Variants in RUVBL1 observed in about 807,000 individuals in gnomAD.
The protein encoded by RUVBL1 is ruvB-like 1.
In RUVBL1, 4 loss-of-function variants were observed where a neutral mutation model predicts 52.4. The observed-to-expected ratio is 0.08, with a 90% CI of 0.04 to 0.17. RUVBL1 has a LOEUF of 0.17. Ranked by LOEUF, RUVBL1 falls within the 10% of genes least tolerant of loss-of-function variation. The probability of loss-of-function intolerance (pLI) is 1.00; values close to 1 mark genes in which losing one functional copy is unlikely to be tolerated. For synonymous variants in RUVBL1, 217 were observed against 214.4 expected (o/e 1.01, Z -0.10); for missense variants, 298 against 572.8 (o/e 0.52, Z 4.90).
chr3:128,081,011 A>AT lies in RUVBL1; in HGVS notation c.*238_*239insA. 1 of 453,454 alleles carries AT rather than the reference A, an allele frequency of 2.2e-6. No individual in the cohort carries two copies. The highest frequency in any genetic ancestry group is 3.9e-6 in the Non-Finnish European group (1 of 256,548). 28.1% of individuals were successfully genotyped at this position (453,454 alleles called of 1,614,324 possible). The stretch of plus-strand genomic sequence containing the variant: ...AAAACTTAGAGAGAGAGAGAGAGAG[A>AT]ATCAAAATAACCTATGAAGATTTAT... On this transcript the variant is annotated 3_prime_UTR_variant, in exon 11 of 11. Transcript: ENST00000322623. The surrounding 1 kb of genome is among the most constrained non-coding windows in gnomAD (Gnocchi z 4.8).
In RUVBL1 at chr3:128,150,807, CTATATA is replaced by C. The variant is rs1559841398; in HGVS notation, c.-40+2390_-40+2395del. Among the ~76,000 whole-genome samples, 66 of 85,054 alleles carry C rather than the reference CTATATA, an allele frequency of 7.8e-4. 2 individuals are homozygous for C. Among genetic ancestry groups the C allele is most frequent in the African/African-American group, 3.2e-3 (65 of 20,630 alleles). The allele number at this position is 85,054 out of a possible 152,430, so 55.8% of individuals were successfully genotyped here. A position where few individuals can be genotyped will look rare whatever the true frequency, so the allele number is the denominator to read the frequency against. On this transcript the variant is annotated intron_variant, in intron 1 of 9. Coordinates refer to the RUVBL1 transcript ENST00000464873. ...ATATATATTCTATATATTATATATTCTATATATTATATATTCTATATATTATATATT... is the reference window on the plus strand; with the variant it reads ...ATATATATTCTATATATTATATATTCTTATATATTCTATATATTATATATT...
chr3:128,071,313 T>G (rs1410503954), intron 9 of RUVBL1: 1 of 152,470 alleles, frequency 6.6e-6, no homozygotes, highest in African/African-American at 2.4e-5. Context: ...GGAGAGGCTC[T>G]TGAGACCTGA....
intron 1 of RUVBL1, among the ~76,000 whole-genome samples, chr3:128,142,579 A>G (rs761754347): frequency 1.3e-5 from 2 of 152,222 alleles, no homozygotes; most frequent in Non-Finnish European, 2.9e-5. Context: ...CCAGAAGTCC[A>G]AAATGGGTCT....
intron 1 of RUVBL1, among the ~76,000 whole-genome samples, chr3:128,133,197 C>A (rs759693295): frequency 1.3e-5 from 2 of 152,122 alleles, no homozygotes; most frequent in South Asian, 2.1e-4. Context: ...CTTTGTATTG[C>A]GGTTTGGGCA....
downstream of RUVBL1, among the ~76,000 whole-genome samples, chr3:128,078,283 A>C (rs1458816622): frequency 6.6e-6 from 1 of 152,264 alleles, no homozygotes; most frequent in Non-Finnish European, 1.5e-5. Flanking sequence ...TGATTCATTT[A>C]GTCCTAAAAA....
At chr3:128,115,608 C>T (rs561078425) in intron 2 of RUVBL1, among the ~76,000 whole-genome samples, 1 of 152,282 alleles carries the variant, frequency 6.6e-6, no homozygotes, top group Non-Finnish European at 1.5e-5. Context: ...GAGCACTTCT[C>T]ATATTTCCTG....
At chr3:128,074,788 G>A (rs1407302354) in intron 9 of RUVBL1, among the ~76,000 whole-genome samples, 1 of 139,690 alleles carries the variant, frequency 7.2e-6, no homozygotes, top group Non-Finnish European at 1.5e-5. Flanking sequence ...GTTGCAGTAA[G>A]CTGAGATGGC....
chr3:128,064,906 C>T, exon 10 of RUVBL1: 6 of 1,612,202 alleles, frequency 3.7e-6, no homozygotes, highest in Non-Finnish European at 5.1e-6. Flanking sequence ...TATCATCGCA[C>T]TTTTCCATCT....
upstream of RUVBL1, among the ~76,000 whole-genome samples, chr3:128,124,263 C>T (rs1337070084): frequency 3.3e-5 from 5 of 152,196 alleles, no homozygotes; most frequent in East Asian, 5.8e-4. Flanking sequence ...AACCCACCAC[C>T]GTTTCCGTGG....
chr3:128,075,626 G>A (rs1942293319), intron 9 of RUVBL1, among the ~76,000 whole-genome samples: 1 of 152,034 alleles, frequency 6.6e-6, no homozygotes, highest in Admixed American at 6.5e-5. Context: ...CCCAAGTCGT[G>A]CTGGGTGTGA....
Position 128,081,519 on chromosome 3 carries a change from G to A in RUVBL1, c.1212-110C>T. ...CACCAGGAGCAGAGCCCAGTGCTGG[G>A]CTTGTGCCAGCTGCTACGAACACAG... On this transcript the variant is annotated intron_variant, in intron 10 of 10. Coordinates refer to ENST00000322623, the MANE Select transcript of RUVBL1 (RefSeq NM_003707.3). This position sits in a 1 kb window ranked among gnomAD's most constrained non-coding sequence, Gnocchi z 4.8. 9.1e-7 allele frequency: 1 copy of A among 1,095,804 alleles called. No homozygotes were observed. The highest frequency in any genetic ancestry group is 1.3e-6 in the Non-Finnish European group (1 of 770,234). The allele number at this position is 1,095,804 out of a possible 1,614,324, so 67.9% of individuals were successfully genotyped here.
intron 8 of RUVBL1, among the ~76,000 whole-genome samples, chr3:128,088,728 G>A (rs943821513): frequency 4.0e-5 from 6 of 151,770 alleles, no homozygotes; most frequent in Non-Finnish European, 5.9e-5. Context: ...TCAGCCTCCC[G>A]AGTAGCTTGG....
chr3:128,094,228 A>G (rs780210973), intron 8 of RUVBL1, among the ~76,000 whole-genome samples: 4 of 152,168 alleles, frequency 2.6e-5, no homozygotes, highest in African/African-American at 4.8e-5. Context: ...TAATTTTTCC[A>G]TGTGGGAACC....
chr3:128,119,635 C>CT (rs1943599315), intron 1 of RUVBL1, among the ~76,000 whole-genome samples: 1 of 152,168 alleles, frequency 6.6e-6, no homozygotes, highest in Non-Finnish European at 1.5e-5. Flanking sequence ...AACATACAAA[C>CT]ATTGCACACA....
chr3:128,138,945 T>C (rs899739629), intron 1 of RUVBL1, among the ~76,000 whole-genome samples: 2 of 152,210 alleles, frequency 1.3e-5, no homozygotes, highest in South Asian at 2.1e-4. Flanking sequence ...GCCAAGAACA[T>C]ACACTGGTGA....
At chr3:128,117,879 AC>A (rs1221466570) in intron 2 of RUVBL1, among the ~76,000 whole-genome samples, 1 of 152,162 alleles carries the variant, frequency 6.6e-6, no homozygotes, top group Non-Finnish European at 1.5e-5. Context: ...CAGAAAGAAG[AC>A]TCAAAACCCT....
At chr3:128,101,770 G>C in intron 4 of RUVBL1, 122 bp from the exon 5 acceptor site, 3 of 915,562 alleles carry the variant, frequency 3.3e-6, no homozygotes, top group Non-Finnish European at 5.2e-6. Flanking sequence ...AGCCTGTTTT[G>C]CGTTTGCATG....
intron 4 of RUVBL1, 47 bp downstream of exon 4, chr3:128,104,726 C>T: frequency 6.5e-7 from 1 of 1,533,050 alleles, no homozygotes; most frequent in South Asian, 1.2e-5. Context: ...CAAAGCCACA[C>T]AGTGCTGGGA....
At chr3:128,086,782 A>G (rs554253305) in intron 9 of RUVBL1, among the ~76,000 whole-genome samples, 12 of 152,392 alleles carry the variant, frequency 7.9e-5, no homozygotes, top group Non-Finnish European at 1.2e-4. Flanking sequence ...TGCTTGGCAC[A>G]TAGTTGTGCT....
Sources: gnomAD v4.1 joint callset for allele counts (sites outside exome capture counted in the v4.1 genomes callset) on GRCh38, gnomAD v4.1.1 for gene constraint, Gnocchi (gnomAD v3.1) non-coding constraint, MANE v1.5 for transcripts, NCBI Gene and HGNC (gene_info 2026-07-23, HGNC 2026-07-21) for gene names.